The following MLLT3 variants were observed in gnomAD, a reference collection of about 807,000 sequenced individuals.
MLLT3 encodes the protein MLLT3 super elongation complex subunit.
In MLLT3, 4 loss-of-function variants were observed where a neutral mutation model predicts 53.2. The observed-to-expected ratio is 0.08, with a 90% CI of 0.04 to 0.17. The LOEUF is 0.17. Ranked by LOEUF, MLLT3 falls within the 10% of genes least tolerant of loss-of-function variation. MLLT3 has a pLI of 1.00. For missense variants in MLLT3, 569 were observed against 684.0 expected (o/e 0.83, Z 1.87); for synonymous variants, 283 against 230.6 (o/e 1.23, Z -2.06).
At chr9:20,406,063 G>A (rs1822569996) in intron 5 of MLLT3, among the ~76,000 whole-genome samples, 1 of 151,896 alleles carries the variant, frequency 6.6e-6, no homozygotes, top group Non-Finnish European at 1.5e-5. Context: ...AGTGAGCCGA[G>A]ATTGCACCAC....
At chr9:20,502,098 G>GC (rs527965272) in intron 2 of MLLT3, among the ~76,000 whole-genome samples, 26,845 of 134,252 alleles carry the variant, frequency 0.2, 3,794 homozygotes, top group Middle Eastern at 0.3. Flanking sequence ...AAAAAAGGGG[G>GC]GGGGGGGGAC....
chr9:20,386,675 A>C (rs1822045889), intron 5 of MLLT3, among the ~76,000 whole-genome samples: 6 of 152,212 alleles, frequency 3.9e-5, no homozygotes, highest in Admixed American at 3.9e-4. Flanking sequence ...AGCCAAGTGA[A>C]TATGTGACTA....
At chr9:20,407,132 T>A (rs1177232288) in intron 5 of MLLT3, among the ~76,000 whole-genome samples, 2 of 152,208 alleles carry the variant, frequency 1.3e-5, no homozygotes, top group Non-Finnish European at 2.9e-5. Flanking sequence ...AGAGAGGTTA[T>A]AACATGAATT....
At chr9:20,385,688 C>T (rs994755166) in intron 5 of MLLT3, among the ~76,000 whole-genome samples, 1 of 152,106 alleles carries the variant, frequency 6.6e-6, no homozygotes, top group Non-Finnish European at 1.5e-5. Flanking sequence ...TCCCAAGTCA[C>T]AACATTTAAA....
intron 7 of MLLT3, among the ~76,000 whole-genome samples, chr9:20,361,505 T>C (rs1185774965): frequency 6.6e-6 from 1 of 152,194 alleles, no homozygotes; most frequent in African/African-American, 2.4e-5. Context: ...ATTTCTACTG[T>C]GTCATTATTC....
chr9:20,344,459 C>A lies in MLLT3; in HGVS notation c.*1984G>T, dbSNP rs545564095. On this transcript the variant is annotated 3_prime_UTR_variant, in exon 11 of 11. Transcript: ENST00000380338. ...TCCAGCTATAAAGTTAAAAACAAAA[C>A]GCAACTGAAACCACACAATTCATCA... is the stretch of plus-strand genomic sequence containing the variant. 1 of 218,748 alleles carries A rather than the reference C, an allele frequency of 4.6e-6. No individual in the cohort carries two copies. The highest frequency in any genetic ancestry group is 9.2e-6 in the Non-Finnish European group (1 of 108,820). 13.6% of individuals were successfully genotyped at this position (218,748 alleles called of 1,614,324 possible). A position where few individuals can be genotyped will look rare whatever the true frequency, so the allele number is the denominator to read the frequency against.
chr9:20,405,904 G>C (rs1159380083), intron 5 of MLLT3, among the ~76,000 whole-genome samples: 1 of 152,080 alleles, frequency 6.6e-6, no homozygotes, highest in African/African-American at 2.4e-5. Context: ...CTGATGTCAG[G>C]AGTTTGAGAC....
chr9:20,377,616 T>C (rs114567340), intron 5 of MLLT3, among the ~76,000 whole-genome samples: 3,739 of 152,240 alleles, frequency 0.025, 134 homozygotes, highest in African/African-American at 0.079. Flanking sequence ...AAAATGTTCA[T>C]AAAGCATTTG....
intron 5 of MLLT3, among the ~76,000 whole-genome samples, chr9:20,392,138 A>G (rs1822199958): frequency 6.6e-6 from 1 of 152,206 alleles, no homozygotes; most frequent in Non-Finnish European, 1.5e-5. Flanking sequence ...AAGAAGCCAA[A>G]TCTACTGTTA....
At chr9:20,426,443 C>T (rs1823140430) in intron 4 of MLLT3, among the ~76,000 whole-genome samples, 1 of 152,000 alleles carries the variant, frequency 6.6e-6, no homozygotes, top group Non-Finnish European at 1.5e-5. Context: ...TATTACTAAT[C>T]ACAAATAATG....
chr9:20,599,162 G>T (rs964084607), intron 2 of MLLT3, among the ~76,000 whole-genome samples: 4 of 152,002 alleles, frequency 2.6e-5, no homozygotes, highest in Non-Finnish European at 5.9e-5. Flanking sequence ...AAATTAGCTG[G>T]GCATGGTGGC....
In MLLT3 at chr9:20,342,851, T is replaced by TAA. The variant is rs60015905; in HGVS notation, c.*3591_*3592insTT. ...ATATATGTGTATATATATATATATA[T>TAA]GTATATATAAATATAGGAGCAGTAC... On this transcript the variant is annotated 3_prime_UTR_variant, in exon 11 of 11. Transcript: ENST00000380338. The TAA allele has an allele frequency of 1.7e-5, 3 of 173,782 alleles. No homozygotes were observed. In the East Asian group the frequency reaches 3.0e-4, roughly 17 times the overall value. 10.8% of individuals were successfully genotyped at this position (173,782 alleles called of 1,614,324 possible).
intron 2 of MLLT3, among the ~76,000 whole-genome samples, chr9:20,579,152 G>T (rs572718526): frequency 6.6e-6 from 1 of 152,098 alleles, no homozygotes; most frequent in African/African-American, 2.4e-5. Flanking sequence ...AGGATTGCTT[G>T]AGGCCAGGAG....
intron 2 of MLLT3, among the ~76,000 whole-genome samples, chr9:20,513,672 A>T (rs1200352015): frequency 6.6e-6 from 1 of 152,176 alleles, no homozygotes; most frequent in Non-Finnish European, 1.5e-5. Flanking sequence ...GGGTCAGTCA[A>T]GTAGGCTGTA....
rs10601830 is a variant in MLLT3, at chr9:20,615,360, G to GAAAAAA, written c.193+5288_193+5293dup. ...CCTGGGTGACAGGGCCAGACCATGTGAAAAAAAAAAAAAAAAAAAAAAAAA... is the reference window on the plus strand; with the variant it reads ...CCTGGGTGACAGGGCCAGACCATGTGAAAAAAAAAAAAAAAAAAAAAAAAAAAAAAA... On this transcript the variant is annotated intron_variant, in intron 2 of 10. Coordinates refer to ENST00000380338, the MANE Select transcript of MLLT3 (RefSeq NM_004529.4). Among the ~76,000 whole-genome samples, 27 of 48,770 alleles carry GAAAAAA rather than the reference G, an allele frequency of 5.5e-4. 1 individual carries two copies. Among genetic ancestry groups the GAAAAAA allele is most frequent in the South Asian group, 1.2e-3 (1 of 856 alleles). 32.0% of individuals were successfully genotyped at this position (48,770 alleles called of 152,430 possible).
intron 4 of MLLT3, among the ~76,000 whole-genome samples, chr9:20,436,723 T>G (rs184855333): frequency 1.3e-5 from 2 of 152,294 alleles, no homozygotes; most frequent in East Asian, 3.9e-4. Flanking sequence ...ATGCCTTAGT[T>G]TACTCATCTG....
chr9:20,384,204 T>C (rs1821973471), intron 5 of MLLT3, among the ~76,000 whole-genome samples: 1 of 152,052 alleles, frequency 6.6e-6, no homozygotes, highest in African/African-American at 2.4e-5. Context: ...TGGATGCTGA[T>C]TGCTTAATGG....
At chr9:20,398,505 T>A (rs1620014) in intron 5 of MLLT3, among the ~76,000 whole-genome samples, 1 of 152,068 alleles carries the variant, frequency 6.6e-6, no homozygotes, top group African/African-American at 2.4e-5. Context: ...ACACAGAAAT[T>A]GGGGGAGTGG....
intron 10 of MLLT3, among the ~76,000 whole-genome samples, chr9:20,349,281 G>T (rs191066304): frequency 2.8e-4 from 42 of 152,172 alleles, no homozygotes; most frequent in African/African-American, 8.7e-4. Context: ...ACAAGTTTGG[G>T]CAGATGATCA....
Sources: allele counts gnomAD v4.1 joint callset (sites outside exome capture counted in the v4.1 genomes callset), GRCh38; gene constraint gnomAD v4.1.1; transcripts MANE v1.5; gene names NCBI Gene and HGNC (gene_info 2026-07-23, HGNC 2026-07-21).